The following KANSL1 variants were observed in gnomAD, a reference collection of about 807,000 sequenced individuals.
KANSL1 encodes KAT8 regulatory NSL complex subunit 1, also known as MLL1/MLL complex subunit KANSL1.
A neutral mutation model predicts 103.6 loss-of-function variants in KANSL1; 22 were observed. The ratio of observed to expected loss-of-function variants is 0.21; its 90% CI spans 0.15 to 0.30. The LOEUF (loss-of-function observed/expected upper bound fraction) is 0.30. Ranked by LOEUF, KANSL1 falls within the 10% of genes least tolerant of loss-of-function variation. The pLI is 1.00. For synonymous variants in KANSL1, 600 were observed against 527.6 expected, an observed-to-expected ratio of 1.14 and a Z score of -1.88; for missense variants, 1,337 against 1,399.8, an observed-to-expected ratio of 0.96 and a Z score of 0.72.
At chr17:46,158,690 G>A (rs1347448113) in intron 2 of KANSL1, among the ~76,000 whole-genome samples, 4 of 152,136 alleles carry the variant, frequency 2.6e-5, no homozygotes, top group Non-Finnish European at 5.9e-5. Context: ...ACAGGTGCCC[G>A]CCACCACACC....
rs1473847973 is a variant in KANSL1 at position 46,170,730 on chromosome 17, G to T, written c.1289+125C>A. On this transcript the variant is annotated intron_variant, in intron 2 of 14. Transcript: ENST00000432791. The stretch of plus-strand genomic sequence containing the variant: ...ATGCACTCATCTACCCAACATCAGG[G>T]AAAAAACAAACAGAACCTAGACACC... The T allele has an allele frequency of 6.2e-6, 7 of 1,133,346 alleles. No individual in the cohort carries two copies. In the Admixed American group the frequency reaches 9.3e-5, roughly 15 times the overall value. 70.2% of individuals were successfully genotyped at this position (1,133,346 alleles called of 1,614,324 possible).
chr17:46,197,390 C>T (rs1450950605), upstream of KANSL1, among the ~76,000 whole-genome samples: 2 of 152,246 alleles, frequency 1.3e-5, no homozygotes, highest in Non-Finnish European at 1.5e-5. Context: ...TGCCTGTAAT[C>T]CCAGCACTCT....
chr17:46,089,712 A>G (rs1216490742), intron 3 of KANSL1, among the ~76,000 whole-genome samples: 2 of 152,244 alleles, frequency 1.3e-5, no homozygotes, highest in African/African-American at 2.4e-5. Flanking sequence ...CCAAGCACTT[A>G]AAGTGATTAC....
chr17:46,124,146 C>A (rs1332939132), intron 2 of KANSL1, among the ~76,000 whole-genome samples: 2 of 152,208 alleles, frequency 1.3e-5, no homozygotes, highest in East Asian at 3.8e-4. Context: ...TGCCTGTAAT[C>A]CCAGCACTCT....
At chr17:46,136,769 G>A (rs1230389069) in intron 2 of KANSL1, among the ~76,000 whole-genome samples, 2 of 152,130 alleles carry the variant, frequency 1.3e-5, no homozygotes, top group African/African-American at 4.8e-5. Context: ...AAAACCAAAA[G>A]AAGAAAACCA....
At chr17:46,057,502 C>T (rs1262789490) in intron 6 of KANSL1, among the ~76,000 whole-genome samples, 1 of 152,094 alleles carries the variant, frequency 6.6e-6, no homozygotes, top group East Asian at 1.9e-4. Flanking sequence ...CACCATTCTT[C>T]AGCTTCCAAT....
At chr17:46,205,377 C>G (rs367762636) in intron 1 of KANSL1, among the ~76,000 whole-genome samples, 1 of 151,680 alleles carries the variant, frequency 6.6e-6, no homozygotes, top group South Asian at 2.1e-4. Context: ...AGCATCCCCC[C>G]GCCAAAAAAA....
rs778730504 is a variant in KANSL1 at position 46,105,906 on chromosome 17, G to GAGACACAC, written c.1290-11206_1290-11205insGTGTGTCT. The stretch of plus-strand genomic sequence containing the variant: ...ACACACACACACAGAGCAAGGCCTT[G>GAGACACAC]ACACACACACACACACACACACACA... On this transcript the variant is annotated intron_variant, in intron 2 of 14. Coordinates refer to ENST00000432791, the MANE Select transcript of KANSL1 (RefSeq NM_015443.4). Among the ~76,000 whole-genome samples, 71 of 95,242 alleles carry GAGACACAC rather than the reference G, an allele frequency of 7.5e-4. 2 individuals carry two copies. The highest frequency in any genetic ancestry group is 3.2e-3 in the African/African-American group (70 of 22,026). 62.5% of individuals were successfully genotyped at this position (95,242 alleles called of 152,430 possible). A position where few individuals can be genotyped will look rare whatever the true frequency, so the allele number is the denominator to read the frequency against.
intron 2 of KANSL1, among the ~76,000 whole-genome samples, chr17:46,118,084 C>T (rs1329297275): frequency 6.6e-6 from 1 of 152,210 alleles, no homozygotes; most frequent in African/African-American, 2.4e-5. Context: ...AAAAAGTCCA[C>T]ATCTAGAAAT....
At chr17:46,126,851 G>A (rs2043584210) in intron 2 of KANSL1, among the ~76,000 whole-genome samples, 1 of 152,184 alleles carries the variant, frequency 6.6e-6, no homozygotes, top group African/African-American at 2.4e-5. Context: ...AAATGTTTCT[G>A]GCTGTACCAC....
At position 46,201,707 on chromosome 17, in the gene KANSL1, GA is replaced by G. The variant is rs371243828; in HGVS notation, c.-90+21963del. Among the ~76,000 whole-genome samples the G allele has an allele frequency of 2.5e-3, 338 of 137,062 alleles. 1 individual carries two copies. Among genetic ancestry groups the G allele is most frequent in the African/African-American group, 6.0e-3 (215 of 36,122 alleles). The allele number at this position is 137,062 out of a possible 152,430, so 89.9% of individuals were successfully genotyped here. On this transcript the variant is annotated intron_variant, in intron 1 of 14. Transcript: ENST00000572904. ...GGCAACATAGTGAGACCCTATCTCT[GA>G]AAAAAAAAAAAAAATTAAGTCCAGG...
chr17:46,185,512 T>C (rs1340294080), intron 1 of KANSL1, among the ~76,000 whole-genome samples: 1 of 152,146 alleles, frequency 6.6e-6, no homozygotes, highest in Non-Finnish European at 1.5e-5. Context: ...ACCCAGCAAC[T>C]GCACTTCTAG....
At chr17:46,047,171 T>C (rs2077541919) in intron 7 of KANSL1, among the ~76,000 whole-genome samples, 1 of 152,192 alleles carries the variant, frequency 6.6e-6, no homozygotes. Flanking sequence ...CTAGGGGGTT[T>C]TGGTAACAAA....
chr17:46,111,403 T>C (rs2042799195), intron 2 of KANSL1, among the ~76,000 whole-genome samples: 1 of 152,104 alleles, frequency 6.6e-6, no homozygotes, highest in Admixed American at 6.6e-5. Flanking sequence ...AGAGATAGGG[T>C]TTCACCATGT....
intron 2 of KANSL1, among the ~76,000 whole-genome samples, chr17:46,165,467 C>T (rs2045948741): frequency 6.6e-6 from 1 of 151,900 alleles, no homozygotes; most frequent in Admixed American, 6.6e-5. Context: ...CTCCTGAACT[C>T]GTGATCCACC....
chr17:46,099,373 C>T (rs2042217119), intron 2 of KANSL1, among the ~76,000 whole-genome samples: 1 of 150,766 alleles, frequency 6.6e-6, no homozygotes, highest in Non-Finnish European at 1.5e-5. Flanking sequence ...GCTATATAAA[C>T]TCAGCTTATC....
chr17:46,153,218 C>T (rs371056757), intron 2 of KANSL1, among the ~76,000 whole-genome samples: 3 of 152,074 alleles, frequency 2.0e-5, no homozygotes, highest in Non-Finnish European at 2.9e-5. Context: ...AGCTCATCAA[C>T]GCATTTTAGT....
In KANSL1 at chr17:46,032,955, A is replaced by C. The variant is rs2077050499; in HGVS notation, c.2837+125T>G. On this transcript the variant is annotated intron_variant, in intron 13 of 14. Coordinates refer to ENST00000432791, the MANE Select transcript of KANSL1 (RefSeq NM_015443.4). ...CCAAGGAAATTCTGAGCTATTTGCCACTGCCAGTAGATGAGTATGATGAGC... is the reference window on the plus strand; with the variant it reads ...CCAAGGAAATTCTGAGCTATTTGCCCCTGCCAGTAGATGAGTATGATGAGC... 5.8e-6 allele frequency: 4 copies of C among 684,932 alleles called. No individual in the cohort carries two copies. In the East Asian group the frequency reaches 1.1e-4, roughly 19 times the overall value. 42.4% of individuals were successfully genotyped at this position (684,932 alleles called of 1,614,324 possible).
At chr17:46,213,734 A>G (rs564004043) in intron 1 of KANSL1, among the ~76,000 whole-genome samples, 68 of 150,068 alleles carry the variant, frequency 4.5e-4, no homozygotes, top group African/African-American at 1.7e-3. Flanking sequence ...CCTGGCCAAC[A>G]TGGTGAAACC....
Sources: allele counts gnomAD v4.1 joint callset (sites outside exome capture counted in the v4.1 genomes callset), GRCh38; gene constraint gnomAD v4.1.1; transcripts MANE v1.5; gene names NCBI Gene and HGNC (gene_info 2026-07-23, HGNC 2026-07-21).